FSTL5: variants seen among roughly 807,000 people sequenced by gnomAD.
FSTL5 encodes follistatin like 5, also known as follistatin-related protein 5.
FSTL5 carries 62 observed loss-of-function variants against 89.1 expected under a neutral mutation model. That is an observed-to-expected ratio of 0.70 (90% CI 0.57 to 0.86). The LOEUF is 0.86. FSTL5 is among the 40% of genes least tolerant of loss of function. The probability of loss-of-function intolerance (pLI) is 0.00; values close to 1 mark genes in which losing one functional copy is unlikely to be tolerated. For missense variants in FSTL5, 1,057 were observed against 1,001.6 expected, an observed-to-expected ratio of 1.06 and a Z score of -0.75; for synonymous variants, 383 against 346.2, an observed-to-expected ratio of 1.11 and a Z score of -1.18.
intron 2 of FSTL5, among the ~76,000 whole-genome samples, chr4:162,068,915 T>C (rs1180002004): frequency 2.0e-5 from 3 of 152,054 alleles, no homozygotes; most frequent in Non-Finnish European, 4.4e-5. Context: ...AAAGAAGACA[T>C]TTTTGTGGCC....
intron 3 of FSTL5, among the ~76,000 whole-genome samples, chr4:161,977,352 C>G (rs1735677620): frequency 6.6e-6 from 1 of 151,826 alleles, no homozygotes; most frequent in South Asian, 2.1e-4. Context: ...GTGGCTCACG[C>G]CTGTAATCCC....
At chr4:161,555,554 G>T (rs183402165) in intron 8 of FSTL5, among the ~76,000 whole-genome samples, 233 of 151,674 alleles carry the variant, frequency 1.5e-3, no homozygotes, top group African/African-American at 4.9e-3. Context: ...GGCAGGAGTT[G>T]TGTAGCTGAT....
chr4:161,515,594 TATA>T (rs562464114), intron 10 of FSTL5, among the ~76,000 whole-genome samples: 110 of 150,608 alleles, frequency 7.3e-4, no homozygotes, highest in African/African-American at 2.6e-3. Flanking sequence ...AATATATAAA[TATA>T]ATTTTTCATT....
chr4:161,477,785 C>A (rs1729341436), intron 13 of FSTL5, among the ~76,000 whole-genome samples: 1 of 151,634 alleles, frequency 6.6e-6, no homozygotes, highest in African/African-American at 2.4e-5. Context: ...TCAAGAAATA[C>A]AGGGTTAGTA....
chr4:161,841,957 GT>G, intron 4 of FSTL5, among the ~76,000 whole-genome samples: 1 of 152,124 alleles, frequency 6.6e-6, no homozygotes, highest in Non-Finnish European at 1.5e-5. Flanking sequence ...TGTCTTTACA[GT>G]GAGCTTCAGG....
At chr4:161,593,877 C>T (rs1352874263) in intron 7 of FSTL5, among the ~76,000 whole-genome samples, 2 of 151,994 alleles carry the variant, frequency 1.3e-5, no homozygotes, top group Non-Finnish European at 2.9e-5. Flanking sequence ...CAGCCTTCAC[C>T]CACAGGCTAC....
At chr4:161,698,212 C>T (rs1738249735) in intron 6 of FSTL5, among the ~76,000 whole-genome samples, 1 of 152,122 alleles carries the variant, frequency 6.6e-6, no homozygotes, top group Admixed American at 6.6e-5. Context: ...CCTCACCAGA[C>T]ACTGAATCTG....
chr4:162,074,731 T>C (rs1208434172), intron 2 of FSTL5, among the ~76,000 whole-genome samples: 1 of 151,724 alleles, frequency 6.6e-6, no homozygotes, highest in South Asian at 2.1e-4. Flanking sequence ...TCAAGCTAAT[T>C]AACATACGCA....
chr4:161,830,169 T>C (rs184640478), intron 4 of FSTL5, among the ~76,000 whole-genome samples: 28 of 152,186 alleles, frequency 1.8e-4, no homozygotes, highest in Admixed American at 1.3e-3. Context: ...TCTTCACTTA[T>C]GGTATACAAA....
At chr4:161,476,113 CA>C (rs1734127523) in intron 13 of FSTL5, among the ~76,000 whole-genome samples, 1 of 142,166 alleles carries the variant, frequency 7.0e-6, no homozygotes, top group African/African-American at 2.6e-5. Flanking sequence ...ACTAAGCATT[CA>C]AATCTAATAA....
chr4:161,967,177 A>C (rs1295019315), intron 3 of FSTL5, among the ~76,000 whole-genome samples: 1 of 152,074 alleles, frequency 6.6e-6, no homozygotes, highest in Non-Finnish European at 1.5e-5. Flanking sequence ...TTTACCTGAG[A>C]TAGTCACCTT....
At chr4:162,044,705 T>C (rs2111236168) in intron 2 of FSTL5, among the ~76,000 whole-genome samples, 1 of 152,324 alleles carries the variant, frequency 6.6e-6, no homozygotes, top group African/African-American at 2.4e-5. Flanking sequence ...GCCACCTTCA[T>C]TAATTATCTT....
intron 7 of FSTL5, among the ~76,000 whole-genome samples, chr4:161,613,070 C>A (rs967098212): frequency 6.6e-6 from 1 of 152,046 alleles, no homozygotes; most frequent in Non-Finnish European, 1.5e-5. Flanking sequence ...ATGTAATAAA[C>A]CCCAAAGATA....
At chr4:161,616,299 G>A (rs151105822) in intron 7 of FSTL5, among the ~76,000 whole-genome samples, 101 of 152,074 alleles carry the variant, frequency 6.6e-4, no homozygotes, top group Middle Eastern at 3.4e-3. Context: ...TGGCCAGGCT[G>A]GTCTCAAACT....
At chr4:161,658,106 G>A (rs531607483) in intron 6 of FSTL5, among the ~76,000 whole-genome samples, 1 of 152,168 alleles carries the variant, frequency 6.6e-6, no homozygotes, top group Non-Finnish European at 1.5e-5. Context: ...TTCTTTGTGT[G>A]AAGAGTCTAA....
At chr4:162,026,158 C>T (rs772172386) in intron 3 of FSTL5, among the ~76,000 whole-genome samples, 1 of 151,696 alleles carries the variant, frequency 6.6e-6, no homozygotes, top group Non-Finnish European at 1.5e-5. Flanking sequence ...AAGAGCTGCT[C>T]TTTCATAAAG....
chr4:161,687,623 C>T (rs553053487), intron 6 of FSTL5, among the ~76,000 whole-genome samples: 1 of 152,186 alleles, frequency 6.6e-6, no homozygotes, highest in African/African-American at 2.4e-5. Context: ...GCTGGAAGGT[C>T]TAGGAAAGCC....
chr4:162,006,351 G>C (rs1736615685), intron 3 of FSTL5, among the ~76,000 whole-genome samples: 2 of 151,946 alleles, frequency 1.3e-5, no homozygotes, highest in East Asian at 1.9e-4. Flanking sequence ...AGTAAAACTA[G>C]AGCTTTTAAA....
At chr4:162,023,245 A>ATT (rs1304862790) in intron 3 of FSTL5, among the ~76,000 whole-genome samples, 2 of 152,080 alleles carry the variant, frequency 1.3e-5, no homozygotes, top group Non-Finnish European at 2.9e-5. Flanking sequence ...CGATTTTTTA[A>ATT]TTTTGTTCAG....
Sources: allele counts gnomAD v4.1 joint callset (sites outside exome capture counted in the v4.1 genomes callset), GRCh38; gene constraint gnomAD v4.1.1; transcripts MANE v1.5; gene names NCBI Gene and HGNC (gene_info 2026-07-23, HGNC 2026-07-21).